The following APPL2 variants were observed in gnomAD, a reference collection of about 807,000 sequenced individuals.
APPL2 encodes the protein DCC-interacting protein 13-beta.
In APPL2, 84 loss-of-function variants were observed where a neutral mutation model predicts 92.7. The observed-to-expected ratio is 0.91, with a 90% confidence interval of 0.76 to 1.09. The LOEUF (loss-of-function observed/expected upper bound fraction) is 1.09, where lower values mean the gene tolerates loss of function less well. APPL2 is among the 50% of genes least tolerant of loss of function. APPL2 has a pLI of 0.00. For synonymous variants in APPL2, 291 were observed against 291.0 expected, an observed-to-expected ratio of 1.00 and a Z score of 0.00; for missense variants, 736 against 824.5, an observed-to-expected ratio of 0.89 and a Z score of 1.31.
chr12:105,224,474 CGT>C (rs1479627296), intron 2 of APPL2, among the ~76,000 whole-genome samples: 2 of 152,194 alleles, frequency 1.3e-5, no homozygotes, highest in Non-Finnish European at 2.9e-5. Flanking sequence ...TGGTGGCTAG[CGT>C]GTCAGGAGAG....
chr12:105,203,535 TA>T, intron 9 of APPL2, 167 bp downstream of exon 9: 1 of 639,534 alleles, frequency 1.6e-6, no homozygotes, highest in East Asian at 2.7e-5. Context: ...CCCAGATATT[TA>T]TGAATATTGG....
intron 15 of APPL2, 45 bp from the exon 16 acceptor site, chr12:105,189,869 G>C (rs767192445): frequency 6.2e-7 from 1 of 1,612,644 alleles, no homozygotes; most frequent in South Asian, 1.1e-5. Context: ...GCTGCAGCTA[G>C]AAGGGCACTT....
At chr12:105,208,678 T>C (rs1376269640) in intron 5 of APPL2, among the ~76,000 whole-genome samples, 1 of 152,146 alleles carries the variant, frequency 6.6e-6, no homozygotes, top group Non-Finnish European at 1.5e-5. Flanking sequence ...CTTGTACTAA[T>C]GAAAAACGTG....
intron 17 of APPL2, among the ~76,000 whole-genome samples, chr12:105,181,929 A>AT (rs1381526506): frequency 6.6e-6 from 1 of 152,018 alleles, no homozygotes; most frequent in Admixed American, 6.6e-5. Context: ...GGATTCATTG[A>AT]TTTTTGAAGG....
intron 4 of APPL2, among the ~76,000 whole-genome samples, chr12:105,216,251 T>C (rs906580164): frequency 1.3e-5 from 2 of 152,116 alleles, no homozygotes; most frequent in African/African-American, 4.8e-5. Context: ...TGGTGGCCCA[T>C]GTCTGTAACC....
chr12:105,177,090 A>G, intron 18 of APPL2, 74 bp from the exon 19 acceptor site: 1 of 1,606,480 alleles, frequency 6.2e-7, no homozygotes, highest in African/African-American at 1.3e-5. Flanking sequence ...CTCTCTGGAA[A>G]AGTCATGAGA....
intron 1 of APPL2, 100 bp downstream of exon 1, chr12:105,235,859 C>T (rs1282206500): frequency 1.9e-6 from 2 of 1,036,342 alleles, no homozygotes; most frequent in African/African-American, 1.7e-5. Context: ...GGCGCACTCC[C>T]GCGGCTGCCC....
At chr12:105,206,840 C>G in intron 8 of APPL2, 1 of 491,898 alleles carries the variant, frequency 2.0e-6, no homozygotes, top group Non-Finnish European at 3.5e-6. Context: ...ACCCAGGCCT[C>G]ATTTCCTGAA....
chr12:105,189,430 A>C (rs1887006493), intron 16 of APPL2, among the ~76,000 whole-genome samples: 1 of 152,214 alleles, frequency 6.6e-6, no homozygotes, highest in Non-Finnish European at 1.5e-5. Flanking sequence ...TTCAAGAACA[A>C]GTTATTTGTG....
At chr12:105,186,716 C>CAT (rs1352538358) in intron 17 of APPL2, among the ~76,000 whole-genome samples, 2,402 of 108,478 alleles carry the variant, frequency 0.022, 30 homozygotes, top group Admixed American at 0.027. Flanking sequence ...TATATCATAT[C>CAT]ATATATATAT....
At chr12:105,202,896 C>T (rs1592794926) in intron 9 of APPL2, among the ~76,000 whole-genome samples, 1 of 152,306 alleles carries the variant, frequency 6.6e-6, no homozygotes, top group East Asian at 1.9e-4. Flanking sequence ...CTTGTTTAGC[C>T]TTCATGAGGT....
At chr12:105,222,894 GGTCA>G (rs1029407494) in intron 2 of APPL2, among the ~76,000 whole-genome samples, 1 of 152,212 alleles carries the variant, frequency 6.6e-6, no homozygotes, top group Non-Finnish European at 1.5e-5. Flanking sequence ...TCAGGCTTGC[GGTCA>G]GTCTCAGAGG....
intron 17 of APPL2, among the ~76,000 whole-genome samples, chr12:105,183,996 T>A (rs1886366695): frequency 6.6e-6 from 1 of 152,248 alleles, no homozygotes; most frequent in African/African-American, 2.4e-5. Flanking sequence ...TCACACTTTA[T>A]TTCATTAAGT....
chr12:105,177,356 C>A, intron 17 of APPL2, 94 bp from the exon 18 acceptor site: 1 of 1,327,042 alleles, frequency 7.5e-7, no homozygotes, highest in East Asian at 2.3e-5. Context: ...TACAAATTCC[C>A]CGAAATAGAG....
At chr12:105,189,175 C>T (rs1056019951) in intron 16 of APPL2, among the ~76,000 whole-genome samples, 1 of 151,356 alleles carries the variant, frequency 6.6e-6, no homozygotes, top group Non-Finnish European at 1.5e-5. Flanking sequence ...CCTGTCACTA[C>T]ACCTGGCTAA....
Position 105,236,109 on chromosome 12 carries a change from G to T in APPL2, c.-97C>A, listed in dbSNP as rs1205111731. ...CCCCGGCTCTGGGCTCAGGCGACGC[G>T]GCGGCCACTCCGTGCCCGCGGCGGC... On this transcript the variant is annotated 5_prime_UTR_variant, in exon 1 of 21. Transcript: ENST00000258530. 2 of 921,072 alleles carry T rather than the reference G, an allele frequency of 2.2e-6. No individual in the cohort carries two copies. Among genetic ancestry groups the T allele is most frequent in the African/African-American group, 1.8e-5 (1 of 56,696 alleles). The allele number at this position is 921,072 out of a possible 1,614,324, so 57.1% of individuals were successfully genotyped here.
At chr12:105,180,518 C>T (rs1325687398) in intron 17 of APPL2, among the ~76,000 whole-genome samples, 1 of 152,148 alleles carries the variant, frequency 6.6e-6, no homozygotes, top group Non-Finnish European at 1.5e-5. Flanking sequence ...TTAAGAAAGT[C>T]AGTGGTAGCT....
intron 14 of APPL2, among the ~76,000 whole-genome samples, chr12:105,193,731 A>G (rs1887419382): frequency 6.6e-6 from 1 of 152,144 alleles, no homozygotes; most frequent in African/African-American, 2.4e-5. Context: ...TTTTTTAAAA[A>G]CATTTGTTTA....
At chr12:105,194,628 T>C (rs977876192) in intron 14 of APPL2, among the ~76,000 whole-genome samples, 18 of 152,148 alleles carry the variant, frequency 1.2e-4, no homozygotes, top group Admixed American at 1.2e-3. Context: ...GAAGTGGCGG[T>C]TGCAGTGAGC....
Sources: allele counts gnomAD v4.1 joint callset (sites outside exome capture counted in the v4.1 genomes callset), GRCh38; gene constraint gnomAD v4.1.1; transcripts MANE v1.5; gene names NCBI Gene and HGNC (gene_info 2026-07-23, HGNC 2026-07-21).